The following KCNH5 variants were observed in gnomAD, a reference collection of about 807,000 sequenced individuals.
KCNH5 encodes the protein potassium voltage-gated channel subfamily H member 5.
Under a neutral mutation model 96.1 loss-of-function variants are expected in KCNH5, and 46 were observed. The observed-to-expected ratio is 0.48, with a 90% confidence interval of 0.38 to 0.61. KCNH5 has a LOEUF of 0.61. Among genes scored for constraint, KCNH5 ranks in the 20% least tolerant of loss-of-function variants. The pLI, the probability that KCNH5 is intolerant of heterozygous loss-of-function variation, is 0.00. For missense variants in KCNH5, 907 were observed against 1,225.8 expected (o/e 0.74, Z 3.88); for synonymous variants, 439 against 449.8 (o/e 0.98, Z 0.30).
At chr14:62,896,579 C>T (rs1382628689) in intron 7 of KCNH5, among the ~76,000 whole-genome samples, 2 of 152,186 alleles carry the variant, frequency 1.3e-5, no homozygotes, top group Non-Finnish European at 2.9e-5. Flanking sequence ...TTCAGTTTTA[C>T]AATCAACGTA....
At chr14:62,923,685 C>G (rs1407450640) in intron 7 of KCNH5, among the ~76,000 whole-genome samples, 1 of 151,882 alleles carries the variant, frequency 6.6e-6, no homozygotes, top group Non-Finnish European at 1.5e-5. Flanking sequence ...GTCAACTAAT[C>G]TTCAGCAAAG....
At chr14:62,978,374 A>G (rs1288644418) in intron 6 of KCNH5, among the ~76,000 whole-genome samples, 1 of 152,202 alleles carries the variant, frequency 6.6e-6, no homozygotes, top group African/African-American at 2.4e-5. Context: ...GTGCCTACTT[A>G]GCTACTACAC....
At chr14:62,829,197 G>C (rs1476829036) in intron 8 of KCNH5, among the ~76,000 whole-genome samples, 4 of 152,134 alleles carry the variant, frequency 2.6e-5, no homozygotes, top group Non-Finnish European at 5.9e-5. Flanking sequence ...TCATGGGCTG[G>C]TGTTGAGTGC....
intron 7 of KCNH5, among the ~76,000 whole-genome samples, chr14:62,860,561 C>A (rs1296530694): frequency 6.6e-6 from 1 of 152,142 alleles, no homozygotes; most frequent in East Asian, 1.9e-4. Context: ...ATGGATCAAA[C>A]AATAGTTCCT....
chr14:62,718,782 A>G (rs1347554796), intron 10 of KCNH5, among the ~76,000 whole-genome samples: 2 of 152,230 alleles, frequency 1.3e-5, no homozygotes, highest in African/African-American at 4.8e-5. Context: ...ATCATTTATG[A>G]TAGCCAAAAA....
intron 8 of KCNH5, among the ~76,000 whole-genome samples, chr14:62,844,198 A>G (rs1566679366): frequency 6.6e-6 from 1 of 152,154 alleles, no homozygotes. Flanking sequence ...AATGAAGACT[A>G]AAGAGCTTTT....
At chr14:62,727,916 T>G (rs1422640808) in intron 10 of KCNH5, among the ~76,000 whole-genome samples, 2 of 150,856 alleles carry the variant, frequency 1.3e-5, no homozygotes, top group African/African-American at 4.9e-5. Flanking sequence ...ATGACTAGCT[T>G]GACCATGATT....
chr14:63,045,450 G>C lies in KCNH5; in HGVS notation c.-264C>G, dbSNP rs986629623. ...TGTGGCGGTGCCGCACACGGGGCTC[G>C]GGAACTGCAGGCTCCGCGGGGCACA... On this transcript the variant is annotated 5_prime_UTR_variant, in exon 1 of 11. Coordinates refer to ENST00000322893, the MANE Select transcript of KCNH5 (RefSeq NM_139318.5). 3 of 500,462 alleles carry C rather than the reference G, an allele frequency of 6.0e-6. No homozygotes were observed. The highest frequency in any genetic ancestry group is 1.9e-5 in the African/African-American group (1 of 51,490). The allele number at this position is 500,462 out of a possible 1,614,324, so 31.0% of individuals were successfully genotyped here.
intron 8 of KCNH5, among the ~76,000 whole-genome samples, chr14:62,845,425 G>C (rs1887671055): frequency 6.6e-6 from 1 of 152,108 alleles, no homozygotes; most frequent in African/African-American, 2.4e-5. Flanking sequence ...ATAGATAATT[G>C]ATGATTGATA....
At chr14:62,970,196 A>T (rs2139556192) in intron 6 of KCNH5, among the ~76,000 whole-genome samples, 1 of 152,184 alleles carries the variant, frequency 6.6e-6, no homozygotes, top group South Asian at 2.1e-4. Context: ...GATAATTAAG[A>T]AATGCTATGA....
intron 10 of KCNH5, among the ~76,000 whole-genome samples, chr14:62,743,180 G>T (rs186640549): frequency 6.6e-6 from 1 of 152,126 alleles, no homozygotes; most frequent in African/African-American, 2.4e-5. Context: ...ATGGTTTTCC[G>T]CTAAGACTCT....
intron 6 of KCNH5, among the ~76,000 whole-genome samples, chr14:62,962,021 A>ATGCAGATGGAGATGGAGT (rs1890221686): frequency 6.6e-6 from 1 of 151,542 alleles, no homozygotes; most frequent in African/African-American, 2.4e-5. Flanking sequence ...GGAGATGGAG[A>ATGCAGATGGAGATGGAGT]TGCAGATGCA....
intron 6 of KCNH5, among the ~76,000 whole-genome samples, chr14:62,961,751 G>C (rs1422073120): frequency 6.6e-6 from 1 of 152,076 alleles, no homozygotes; most frequent in Non-Finnish European, 1.5e-5. Context: ...TACAGGGATG[G>C]GGATGGAAAT....
chr14:62,727,231 G>A (rs1884946738), intron 10 of KCNH5, among the ~76,000 whole-genome samples: 1 of 152,082 alleles, frequency 6.6e-6, no homozygotes, highest in Admixed American at 6.5e-5. Context: ...TGGACATGGT[G>A]GCACATGCCT....
At chr14:62,883,521 T>C (rs1295987326) in intron 7 of KCNH5, among the ~76,000 whole-genome samples, 1 of 152,242 alleles carries the variant, frequency 6.6e-6, no homozygotes, top group East Asian at 1.9e-4. Flanking sequence ...GGCAATCTAG[T>C]GTTCATTAAT....
chr14:62,760,202 T>C (rs183021930), intron 10 of KCNH5, among the ~76,000 whole-genome samples: 3 of 152,316 alleles, frequency 2.0e-5, no homozygotes, highest in Admixed American at 6.5e-5. Context: ...TCCTAGTTTC[T>C]GAATTCTGAG....
intron 2 of KCNH5, among the ~76,000 whole-genome samples, chr14:63,011,976 C>T (rs946247577): frequency 4.6e-5 from 7 of 152,132 alleles, no homozygotes; most frequent in African/African-American, 1.7e-4. Flanking sequence ...TCTATCTACC[C>T]CTCAATCCAC....
chr14:62,807,750 T>C (rs1448118542), intron 8 of KCNH5, among the ~76,000 whole-genome samples: 3 of 151,840 alleles, frequency 2.0e-5, no homozygotes, highest in East Asian at 3.9e-4. Context: ...AAATGACTGG[T>C]TGTTTAAAAG....
chr14:62,916,732 TC>T (rs35648933), intron 7 of KCNH5, among the ~76,000 whole-genome samples: 108,732 of 152,048 alleles, frequency 0.72, 39,887 homozygotes, highest in East Asian at 0.99. Flanking sequence ...AGAGCACAGC[TC>T]CAACGGAGGG....
Sources: allele counts gnomAD v4.1 joint callset (sites outside exome capture counted in the v4.1 genomes callset), GRCh38; gene constraint gnomAD v4.1.1; transcripts MANE v1.5; gene names NCBI Gene and HGNC (gene_info 2026-07-23, HGNC 2026-07-21).